Variants in COL8A1 observed in about 807,000 individuals in gnomAD.
The protein encoded by COL8A1 is collagen alpha-1(VIII) chain.
Under a neutral mutation model 42.7 loss-of-function variants are expected in COL8A1, and 21 were observed. That is an observed-to-expected ratio of 0.49 (90% CI 0.35 to 0.71). COL8A1 has a LOEUF of 0.71. COL8A1 is among the 30% of genes least tolerant of loss of function. The pLI is 0.01. For synonymous variants in COL8A1, 367 were observed against 369.1 expected, an observed-to-expected ratio of 0.99 and a Z score of 0.06; for missense variants, 788 against 962.4, an observed-to-expected ratio of 0.82 and a Z score of 2.40.
intron 1 of COL8A1, among the ~76,000 whole-genome samples, chr3:99,649,516 G>T (rs1352076727): frequency 1.3e-5 from 2 of 152,156 alleles, no homozygotes; most frequent in African/African-American, 4.8e-5. Context: ...GCCTTGATGT[G>T]ATTGGGGTAT....
At chr3:99,739,407 G>A (rs1478939802) in intron 1 of COL8A1, among the ~76,000 whole-genome samples, 1 of 152,130 alleles carries the variant, frequency 6.6e-6, no homozygotes, top group Non-Finnish European at 1.5e-5. Context: ...TGTGTGGGGG[G>A]ACCAACCCCA....
intron 1 of COL8A1, among the ~76,000 whole-genome samples, chr3:99,643,738 A>G (rs1937575283): frequency 6.6e-6 from 1 of 152,166 alleles, no homozygotes; most frequent in Non-Finnish European, 1.5e-5. Context: ...TATTTACTTG[A>G]GTTCTAGAAA....
At chr3:99,773,815 G>GTGTATATATATATATATATATATTA (rs1403823634) in intron 2 of COL8A1, among the ~76,000 whole-genome samples, 1 of 35,900 alleles carries the variant, frequency 2.8e-5, no homozygotes, top group African/African-American at 1.1e-4. Flanking sequence ...ATATATGTGT[G>GTGTATATATATATATATATATATTA]TATATATATA....
Position 99,796,189 on chromosome 3 carries a change from A to G in COL8A1, c.*53A>G. On this transcript the variant is annotated 3_prime_UTR_variant, in exon 4 of 4. Transcript: ENST00000652472. ...GAAAGAGATTTTATAGAAGAAAATG[A>G]CACACCAAAAAATCCAAATGAAAAA... The G allele has an allele frequency of 1.5e-6, 2 of 1,350,536 alleles. No individual in the cohort carries two copies. The highest frequency in any genetic ancestry group is 2.5e-4 in the Middle Eastern group (1 of 3,952). 83.7% of individuals were successfully genotyped at this position (1,350,536 alleles called of 1,614,324 possible).
chr3:99,770,172 T>C (rs1005399371), intron 2 of COL8A1, among the ~76,000 whole-genome samples: 12 of 152,130 alleles, frequency 7.9e-5, no homozygotes, highest in Non-Finnish European at 2.9e-5. Flanking sequence ...TTTGTTCAGA[T>C]TCTTCGTGGC....
At chr3:99,783,746 C>T (rs1417399106) in intron 2 of COL8A1, among the ~76,000 whole-genome samples, 3 of 152,290 alleles carry the variant, frequency 2.0e-5, no homozygotes, top group African/African-American at 4.8e-5. Flanking sequence ...GCGCAAGGTG[C>T]GGGGTTTGGG....
At chr3:99,643,266 T>C (rs1460386367) in intron 1 of COL8A1, among the ~76,000 whole-genome samples, 1 of 152,178 alleles carries the variant, frequency 6.6e-6, no homozygotes, top group Non-Finnish European at 1.5e-5. Flanking sequence ...TCAGAAACCA[T>C]AGCTTGGTAG....
chr3:99,657,994 G>A (rs1001281845), intron 1 of COL8A1, among the ~76,000 whole-genome samples: 1 of 152,098 alleles, frequency 6.6e-6, no homozygotes, highest in African/African-American at 2.4e-5. Flanking sequence ...GGGTGTGATG[G>A]CATGCTCTTG....
At chr3:99,756,564 T>G (rs1409686717) in intron 2 of COL8A1, among the ~76,000 whole-genome samples, 1 of 152,164 alleles carries the variant, frequency 6.6e-6, no homozygotes, top group Non-Finnish European at 1.5e-5. Context: ...ACGTCCACAG[T>G]TCAGTTAAAA....
At chr3:99,769,241 A>G (rs1007532610) in intron 2 of COL8A1, among the ~76,000 whole-genome samples, 2 of 152,268 alleles carry the variant, frequency 1.3e-5, no homozygotes, top group Non-Finnish European at 2.9e-5. Context: ...ACTGCCTGGC[A>G]TATGAAGGGC....
intron 1 of COL8A1, among the ~76,000 whole-genome samples, chr3:99,728,475 T>G (rs1250541681): frequency 1.3e-5 from 2 of 152,072 alleles, no homozygotes; most frequent in Non-Finnish European, 2.9e-5. Flanking sequence ...ACATTTATTT[T>G]AAAGTTACAT....
At chr3:99,691,707 A>ATTTT (rs1559780203) in intron 1 of COL8A1, 9 of 146,084 alleles carry the variant, frequency 6.2e-5, no homozygotes, top group Middle Eastern at 3.6e-3. Context: ...TTTTTTAAAA[A>ATTTT]AAAAAAAAAA....
intron 2 of COL8A1, among the ~76,000 whole-genome samples, chr3:99,750,772 G>A (rs115533258): frequency 3.9e-5 from 6 of 152,312 alleles, no homozygotes; most frequent in Non-Finnish European, 8.8e-5. Flanking sequence ...CATTTCACCT[G>A]CAGCTATGAA....
intron 3 of COL8A1, 63 bp downstream of exon 3, chr3:99,791,073 C>A (rs923549087): frequency 1.4e-6 from 2 of 1,407,922 alleles, no homozygotes; most frequent in African/African-American, 1.4e-5. Context: ...ATTATGGGAT[C>A]AGAGGGGGAA....
intron 1 of COL8A1, among the ~76,000 whole-genome samples, chr3:99,738,853 C>G (rs1378991368): frequency 6.6e-6 from 1 of 152,210 alleles, no homozygotes; most frequent in Non-Finnish European, 1.5e-5. Context: ...TGATCTCAGA[C>G]TGCTGTGCTA....
intron 3 of COL8A1, among the ~76,000 whole-genome samples, chr3:99,792,537 A>C (rs1232656371): frequency 6.6e-6 from 1 of 152,194 alleles, no homozygotes; most frequent in Non-Finnish European, 1.5e-5. Flanking sequence ...TTTCAATAAC[A>C]ATTTGAGAAA....
At chr3:99,722,817 T>G (rs1471709546) in intron 1 of COL8A1, among the ~76,000 whole-genome samples, 3 of 152,138 alleles carry the variant, frequency 2.0e-5, no homozygotes, top group Non-Finnish European at 4.4e-5. Context: ...AAGCATAAAC[T>G]ATAAATTCCA....
At chr3:99,791,255 T>C (rs1009566679) in intron 3 of COL8A1, among the ~76,000 whole-genome samples, 5 of 152,232 alleles carry the variant, frequency 3.3e-5, no homozygotes, top group African/African-American at 1.2e-4. Flanking sequence ...ATATATTAAA[T>C]CACAAATAGT....
intron 1 of COL8A1, among the ~76,000 whole-genome samples, chr3:99,647,245 A>G (rs2107284872): frequency 6.6e-6 from 1 of 152,334 alleles, no homozygotes; most frequent in Middle Eastern, 3.4e-3. Context: ...GAACAGCTTA[A>G]GAATAGTTTA....
Sources: gnomAD v4.1 joint callset for allele counts (sites outside exome capture counted in the v4.1 genomes callset) on GRCh38, gnomAD v4.1.1 for gene constraint, MANE v1.5 for transcripts, NCBI Gene and HGNC (gene_info 2026-07-23, HGNC 2026-07-21) for gene names.